Variants in GALNT17 observed in about 807,000 individuals in gnomAD.
The protein encoded by GALNT17 is polypeptide N-acetylgalactosaminyltransferase 17.
Under a neutral mutation model 63.7 loss-of-function variants are expected in GALNT17, and 29 were observed. The ratio of observed to expected loss-of-function variants is 0.46; its 90% CI spans 0.34 to 0.62. The LOEUF (loss-of-function observed/expected upper bound fraction) is 0.62, where lower values mean the gene tolerates loss of function less well. Among genes scored for constraint, GALNT17 ranks in the 20% least tolerant of loss-of-function variants. GALNT17 has a pLI of 0.01. For synonymous variants in GALNT17, 305 were observed against 318.3 expected, an observed-to-expected ratio of 0.96 and a Z score of 0.45; for missense variants, 603 against 799.6, an observed-to-expected ratio of 0.75 and a Z score of 2.97.
intron 1 of GALNT17, among the ~76,000 whole-genome samples, chr7:71,147,114 C>T (rs1217582186): frequency 1.3e-5 from 2 of 152,058 alleles, no homozygotes; most frequent in East Asian, 1.9e-4. Flanking sequence ...AAAATGAGAC[C>T]GGTATGATTG....
At chr7:71,347,906 T>G (rs752958236) in intron 2 of GALNT17, among the ~76,000 whole-genome samples, 6 of 152,152 alleles carry the variant, frequency 3.9e-5, no homozygotes, top group Non-Finnish European at 5.9e-5. Context: ...AAAAGTATAA[T>G]GTGTGTTTTT....
intron 9 of GALNT17, among the ~76,000 whole-genome samples, chr7:71,693,844 G>A (rs112168570): frequency 0.014 from 2,120 of 151,446 alleles, 60 homozygotes; most frequent in African/African-American, 0.048. Flanking sequence ...GAATCTATAG[G>A]AAAGAAAACA....
chr7:71,133,749 C>A (rs919884092), intron 1 of GALNT17, among the ~76,000 whole-genome samples: 1 of 152,184 alleles, frequency 6.6e-6, no homozygotes, highest in Non-Finnish European at 1.5e-5. Flanking sequence ...GTGCTCAGTA[C>A]TTCAGGAGAA....
At chr7:71,332,275 G>T (rs1205274753) in intron 1 of GALNT17, among the ~76,000 whole-genome samples, 1 of 151,752 alleles carries the variant, frequency 6.6e-6, no homozygotes, top group African/African-American at 2.4e-5. Context: ...GTCTCATTAC[G>T]CTGTTCCTTG....
intron 5 of GALNT17, among the ~76,000 whole-genome samples, chr7:71,552,010 TTTTATTTA>T (rs202005508): frequency 0.62 from 78,215 of 126,744 alleles, 22,430 homozygotes; most frequent in East Asian, 0.74. Context: ...AGGTTGCTCT[TTTTATTTA>T]TTTATTTATT....
At chr7:71,543,719 T>C (rs1460510011) in intron 5 of GALNT17, among the ~76,000 whole-genome samples, 1 of 151,674 alleles carries the variant, frequency 6.6e-6, no homozygotes, top group East Asian at 1.9e-4. Context: ...TTTTTTCTTA[T>C]CTGCTGTCCT....
chr7:71,616,772 T>C (rs1790211316), intron 6 of GALNT17, among the ~76,000 whole-genome samples: 2 of 134,816 alleles, frequency 1.5e-5, no homozygotes, highest in South Asian at 4.7e-4. Context: ...TTATATATTA[T>C]GTGTTAATAT....
chr7:71,384,045 C>A (rs78804760), intron 2 of GALNT17, among the ~76,000 whole-genome samples: 6,365 of 152,252 alleles, frequency 0.042, 228 homozygotes, highest in East Asian at 0.11. Flanking sequence ...AACATCCTCC[C>A]CTTCCATCAA....
intron 1 of GALNT17, among the ~76,000 whole-genome samples, chr7:71,314,122 C>T (rs1232647113): frequency 6.6e-6 from 1 of 152,126 alleles, no homozygotes; most frequent in African/African-American, 2.4e-5. Flanking sequence ...ATTGTTCTGT[C>T]TTTACAAAAC....
Position 71,132,691 on chromosome 7 carries a change from G to T in GALNT17, c.-112G>T. The T allele has an allele frequency of 5.6e-6, 5 of 893,056 alleles. No individual in the cohort carries two copies. Among genetic ancestry groups the T allele is most frequent in the South Asian group, 1.8e-5 (1 of 55,102 alleles). 55.3% of individuals were successfully genotyped at this position (893,056 alleles called of 1,614,324 possible). ...CTTGAGGTGGGACGAGCAGGGGCTTGGATCCCTGCCGGCCGTCTGGTGTGT... is the reference window on the plus strand; with the variant it reads ...CTTGAGGTGGGACGAGCAGGGGCTTTGATCCCTGCCGGCCGTCTGGTGTGT... On this transcript the variant is annotated 5_prime_UTR_variant, in exon 1 of 11. Coordinates refer to ENST00000333538, the MANE Select transcript of GALNT17 (RefSeq NM_022479.3).
chr7:71,479,094 C>T (rs1213272749), intron 5 of GALNT17, among the ~76,000 whole-genome samples: 1 of 152,204 alleles, frequency 6.6e-6, no homozygotes, highest in East Asian at 1.9e-4. Flanking sequence ...CTCCCACCTC[C>T]TCAGCATTGC....
At chr7:71,707,090 T>C (rs964909611) in intron 9 of GALNT17, among the ~76,000 whole-genome samples, 11 of 152,238 alleles carry the variant, frequency 7.2e-5, no homozygotes, top group African/African-American at 2.7e-4. Flanking sequence ...TAATAAAACA[T>C]ATCTTGCAGA....
At chr7:71,253,443 T>C (rs1358975148) in intron 1 of GALNT17, among the ~76,000 whole-genome samples, 4 of 151,506 alleles carry the variant, frequency 2.6e-5, no homozygotes, top group African/African-American at 4.9e-5. Context: ...CTACAACACA[T>C]GGGAATTATG....
chr7:71,475,782 C>G (rs1371332092), intron 5 of GALNT17, among the ~76,000 whole-genome samples: 1 of 152,188 alleles, frequency 6.6e-6, no homozygotes, highest in African/African-American at 2.4e-5. Context: ...AAGATGCATA[C>G]TCTATAGAAA....
chr7:71,327,620 CAGGT>C (rs1348846738), intron 1 of GALNT17, among the ~76,000 whole-genome samples: 5 of 152,042 alleles, frequency 3.3e-5, no homozygotes, highest in Admixed American at 1.3e-4. Flanking sequence ...TGGCAGGAGA[CAGGT>C]AGCACACTCA....
At chr7:71,213,708 A>G (rs1789423838) in intron 1 of GALNT17, among the ~76,000 whole-genome samples, 1 of 152,210 alleles carries the variant, frequency 6.6e-6, no homozygotes, top group South Asian at 2.1e-4. Flanking sequence ...AAATTCTTTT[A>G]TATTGGGTGT....
chr7:71,636,201 T>A (rs896914643), intron 6 of GALNT17, among the ~76,000 whole-genome samples: 9 of 152,222 alleles, frequency 5.9e-5, no homozygotes, highest in African/African-American at 1.9e-4. Flanking sequence ...TTCTAGCTAT[T>A]TTGAAATGTG....
At chr7:71,324,596 T>A (rs1791672319) in intron 1 of GALNT17, among the ~76,000 whole-genome samples, 1 of 152,146 alleles carries the variant, frequency 6.6e-6, no homozygotes, top group Non-Finnish European at 1.5e-5. Flanking sequence ...AGGTGGAGAT[T>A]GCAGTGAACC....
chr7:71,684,278 C>G (rs886236811), intron 9 of GALNT17, among the ~76,000 whole-genome samples: 3 of 152,202 alleles, frequency 2.0e-5, no homozygotes, highest in African/African-American at 7.2e-5. Flanking sequence ...GCTGGTCAAC[C>G]TTCTCCAGCC....
Sources: gnomAD v4.1 joint callset for allele counts (sites outside exome capture counted in the v4.1 genomes callset) on GRCh38, gnomAD v4.1.1 for gene constraint, MANE v1.5 for transcripts, NCBI Gene and HGNC (gene_info 2026-07-23, HGNC 2026-07-21) for gene names.